Variants in CCSER1 observed in about 807,000 individuals in gnomAD.
The protein encoded by CCSER1 is coiled-coil serine rich protein 1.
In CCSER1, 41 loss-of-function variants were observed where a neutral mutation model predicts 82.0. The ratio of observed to expected loss-of-function variants is 0.50; its 90% CI spans 0.39 to 0.65. The LOEUF (loss-of-function observed/expected upper bound fraction) is 0.65, where lower values mean the gene tolerates loss of function less well. CCSER1 is among the 30% of genes least tolerant of loss of function. The probability of loss-of-function intolerance (pLI) is 0.00; values close to 1 mark genes in which losing one functional copy is unlikely to be tolerated. For missense variants in CCSER1, 1,119 were observed against 1,064.2 expected, an observed-to-expected ratio of 1.05 and a Z score of -0.72; for synonymous variants, 414 against 383.9, an observed-to-expected ratio of 1.08 and a Z score of -0.92.
intron 10 of CCSER1, among the ~76,000 whole-genome samples, chr4:91,148,344 C>T (rs1004987713): frequency 3.3e-5 from 5 of 151,886 alleles, no homozygotes; most frequent in Non-Finnish European, 7.4e-5. Flanking sequence ...GCAGAGTTTT[C>T]GAAGCTGGAA....
intron 9 of CCSER1, among the ~76,000 whole-genome samples, chr4:90,989,667 G>A (rs1736856962): frequency 6.6e-6 from 1 of 151,798 alleles, no homozygotes; most frequent in Non-Finnish European, 1.5e-5. Flanking sequence ...AATGTCAGAT[G>A]CATAAGACTA....
rs757152698 is a variant in CCSER1 at position 90,923,436 on chromosome 4, C to T, written c.2161C>T (p.Leu721=). 1.0e-4 allele frequency: 158 copies of T among 1,550,370 alleles called. No individual in the cohort carries two copies. Among genetic ancestry groups the T allele is most frequent in the Non-Finnish European group, 2.6e-5 (30 of 1,145,992 alleles). ...RVDKSTQTEL[L]CYDGLNLKRL... Reference sequence around the variant, plus strand: ...AGATAAATCCACACAGACTGAACTACTATGCTATGATGTAAGTAGCTCTGT... The same window carrying T: ...AGATAAATCCACACAGACTGAACTATTATGCTATGATGTAAGTAGCTCTGT... Residue 721 remains leucine (L), a synonymous_variant, in exon 9 of 11, where the codon CTA becomes TTA. Transcript: ENST00000509176.
At chr4:90,439,169 C>A (rs1759493017) in intron 4 of CCSER1, among the ~76,000 whole-genome samples, 1 of 152,076 alleles carries the variant, frequency 6.6e-6, no homozygotes, top group South Asian at 2.1e-4. Context: ...CACCTGTGGT[C>A]CCAGCTACTC....
intron 10 of CCSER1, among the ~76,000 whole-genome samples, chr4:91,580,437 T>A (rs575873848): frequency 9.2e-5 from 14 of 151,870 alleles, no homozygotes; most frequent in Admixed American, 7.2e-4. Context: ...CTTACACTTT[T>A]ATATATGTGG....
At chr4:91,410,598 C>G (rs1049449586) in intron 10 of CCSER1, among the ~76,000 whole-genome samples, 2 of 152,014 alleles carry the variant, frequency 1.3e-5, no homozygotes, top group Non-Finnish European at 2.9e-5. Context: ...TCACTAGTTT[C>G]TTTAGAAAAC....
chr4:91,216,695 C>T (rs1737271316), intron 10 of CCSER1, among the ~76,000 whole-genome samples: 1 of 152,176 alleles, frequency 6.6e-6, no homozygotes, highest in Non-Finnish European at 1.5e-5. Context: ...AGGATACATA[C>T]TTTCCTATAT....
chr4:91,598,460 T>G, intron 10 of CCSER1, 112 bp from the exon 11 acceptor site: 1 of 1,113,172 alleles, frequency 9.0e-7, no homozygotes. Flanking sequence ...TTTATAAACC[T>G]CATTGAAAAT....
chr4:91,088,555 C>T (rs923873655), intron 10 of CCSER1, among the ~76,000 whole-genome samples: 4 of 152,096 alleles, frequency 2.6e-5, no homozygotes, highest in Non-Finnish European at 1.5e-5. Context: ...ATAGGTAACA[C>T]CTAAATTGCT....
intron 8 of CCSER1, among the ~76,000 whole-genome samples, chr4:90,833,704 CAATT>C (rs1282154967): frequency 6.6e-6 from 1 of 152,126 alleles, no homozygotes; most frequent in East Asian, 1.9e-4. Flanking sequence ...TGTAATCTCT[CAATT>C]AAACAAACAA....
At chr4:91,566,367 T>C (rs1358557017) in intron 10 of CCSER1, among the ~76,000 whole-genome samples, 3 of 152,166 alleles carry the variant, frequency 2.0e-5, no homozygotes, top group Non-Finnish European at 2.9e-5. Flanking sequence ...GTTTTGTCTC[T>C]GCCAGGTTTT....
chr4:90,566,181 G>A (rs999429166), intron 5 of CCSER1, among the ~76,000 whole-genome samples: 2 of 151,782 alleles, frequency 1.3e-5, no homozygotes, highest in African/African-American at 4.8e-5. Context: ...TTAATGTGCT[G>A]TTAAATTTAG....
At chr4:91,028,617 T>G (rs959112984) in intron 9 of CCSER1, among the ~76,000 whole-genome samples, 1 of 151,978 alleles carries the variant, frequency 6.6e-6, no homozygotes, top group Non-Finnish European at 1.5e-5. Context: ...CAATACAATT[T>G]TTATTGAGTC....
At chr4:91,440,351 G>A (rs1363971066) in intron 10 of CCSER1, among the ~76,000 whole-genome samples, 1 of 152,204 alleles carries the variant, frequency 6.6e-6, no homozygotes, top group South Asian at 2.1e-4. Flanking sequence ...TGAACAATCT[G>A]CTCCTGAATG....
At chr4:91,068,630 G>A (rs1447023889) in intron 9 of CCSER1, among the ~76,000 whole-genome samples, 1 of 152,104 alleles carries the variant, frequency 6.6e-6, no homozygotes, top group Non-Finnish European at 1.5e-5. Flanking sequence ...TGAAAGCAAT[G>A]CCAGTTTACA....
rs569656483 is a variant in CCSER1 at position 90,880,570 on chromosome 4, G to A, written c.2095-42800G>A. On this transcript the variant is annotated intron_variant, in intron 8 of 10. Coordinates refer to ENST00000509176, the MANE Select transcript of CCSER1 (RefSeq NM_001145065.2). ...GAGCAGTTCCACTGCAGAGGCAGTG[G>A]CAGAGAGGCTTTCAGTTGCCCTTGG... Among the ~76,000 whole-genome samples, 4 of 152,292 alleles carry A rather than the reference G, an allele frequency of 2.6e-5. No individual in the cohort carries two copies. The South Asian group carries it at 6.2e-4, about 24-fold the overall frequency.
chr4:90,442,238 A>G (rs1015766417), intron 4 of CCSER1, among the ~76,000 whole-genome samples: 1 of 151,800 alleles, frequency 6.6e-6, no homozygotes, highest in Non-Finnish European at 1.5e-5. Flanking sequence ...GACTTAATAC[A>G]GGATCTCCCT....
chr4:90,667,863 A>G (rs915142334), intron 6 of CCSER1, among the ~76,000 whole-genome samples: 10 of 152,186 alleles, frequency 6.6e-5, no homozygotes, highest in Non-Finnish European at 1.2e-4. Context: ...AGATTTCAAT[A>G]TTACACTCTA....
In CCSER1 at chr4:90,132,182, G is replaced by C. The variant is rs752457436; in HGVS notation, c.-42+4351G>C. Reference sequence around the variant, plus strand: ...ATGCAAGAATGGAATGATTCCCCATGTAGTTAGGGTACAAACTAGCCTATC... The same window carrying C: ...ATGCAAGAATGGAATGATTCCCCATCTAGTTAGGGTACAAACTAGCCTATC... On this transcript the variant is annotated intron_variant, in intron 1 of 10. Coordinates refer to ENST00000509176, the MANE Select transcript of CCSER1 (RefSeq NM_001145065.2). 4.6e-5 allele frequency among the ~76,000 whole-genome samples: 7 copies of C among 152,290 alleles called. No homozygotes were observed. The East Asian group carries it at 9.6e-4, about 21-fold the overall frequency.
rs960498432 is a variant in CCSER1 at position 90,297,416 on chromosome 4, A to T, written c.-41-10828A>T. 2.0e-3 allele frequency among the ~76,000 whole-genome samples: 298 copies of T among 151,982 alleles called. 1 individual carries two copies. The highest frequency in any genetic ancestry group is 3.4e-3 in the Middle Eastern group (1 of 294). ...GGGCTGAGACAGTGGGGTTTTCTAG[A>T]TATATAATCATGTCATCTGCAAACA... On this transcript the variant is annotated intron_variant, in intron 1 of 10. Coordinates refer to ENST00000509176, the MANE Select transcript of CCSER1 (RefSeq NM_001145065.2).
Sources: gnomAD v4.1 joint callset for allele counts (sites outside exome capture counted in the v4.1 genomes callset) on GRCh38, gnomAD v4.1.1 for gene constraint, MANE v1.5 for transcripts, NCBI Gene and HGNC (gene_info 2026-07-23, HGNC 2026-07-21) for gene names.